The following RABGAP1L variants were observed in gnomAD, a reference collection of about 807,000 sequenced individuals.
RABGAP1L encodes RAB GTPase activating protein 1 like.
A neutral mutation model predicts 137.7 loss-of-function variants in RABGAP1L; 63 were observed. The observed-to-expected ratio is 0.46, with a 90% CI of 0.37 to 0.56. RABGAP1L has a LOEUF of 0.56. Among genes scored for constraint, RABGAP1L ranks in the 20% least tolerant of loss-of-function variants. RABGAP1L has a pLI of 0.00. For synonymous variants in RABGAP1L, 431 were observed against 433.7 expected, an observed-to-expected ratio of 0.99 and a Z score of 0.08; for missense variants, 1,095 against 1,244.0, an observed-to-expected ratio of 0.88 and a Z score of 1.80.
chr1:174,952,245 T>C (rs72717670), intron 19 of RABGAP1L, among the ~76,000 whole-genome samples: 30,683 of 148,712 alleles, frequency 0.21, 3,433 homozygotes, highest in Admixed American at 0.25. Flanking sequence ...CTCACACCTG[T>C]AATCCCAGCA....
At chr1:174,743,842 C>T (rs539969280) in intron 17 of RABGAP1L, among the ~76,000 whole-genome samples, 1 of 152,044 alleles carries the variant, frequency 6.6e-6, no homozygotes, top group East Asian at 1.9e-4. Flanking sequence ...ACTTATCTCT[C>T]ATCCCTACCC....
chr1:174,609,116 A>T (rs1439153694), intron 13 of RABGAP1L, among the ~76,000 whole-genome samples: 2 of 152,192 alleles, frequency 1.3e-5, no homozygotes, highest in Non-Finnish European at 2.9e-5. Context: ...AGTCTTGTAT[A>T]TGTAATTTGT....
chr1:174,268,994 CTCGGCTCACACAAGCT>C (rs943526806), intron 7 of RABGAP1L, among the ~76,000 whole-genome samples: 14 of 152,020 alleles, frequency 9.2e-5, no homozygotes, highest in African/African-American at 2.9e-4. Context: ...GTGGCGCAGT[CTCGGCTCACACAAGCT>C]TCGGCTCACA....
intron 13 of RABGAP1L, among the ~76,000 whole-genome samples, chr1:174,539,066 T>A (rs927315059): frequency 6.6e-6 from 1 of 152,112 alleles, no homozygotes; most frequent in Admixed American, 6.5e-5. Context: ...GTTTCCTCAT[T>A]TATCATTCAG....
chr1:174,275,992 T>A, intron 9 of RABGAP1L, 57 bp downstream of exon 9: 3 of 1,415,476 alleles, frequency 2.1e-6, no homozygotes, highest in South Asian at 1.3e-5. Context: ...TTATGAACAA[T>A]GTTGCTTGTC....
chr1:174,305,188 A>G (rs776456296), intron 11 of RABGAP1L, 61 bp downstream of exon 11: 10 of 1,433,094 alleles, frequency 7.0e-6, no homozygotes, highest in Non-Finnish European at 7.3e-6. Context: ...TACAATCTTC[A>G]GAGGAGGTGT....
intron 17 of RABGAP1L, among the ~76,000 whole-genome samples, chr1:174,722,633 T>C (rs532304576): frequency 2.0e-5 from 3 of 151,958 alleles, no homozygotes; most frequent in South Asian, 4.2e-4. Flanking sequence ...ATATTTTTAG[T>C]AGAGATGGGG....
chr1:174,670,095 A>AT (rs1176916755), intron 14 of RABGAP1L, among the ~76,000 whole-genome samples: 4 of 152,078 alleles, frequency 2.6e-5, no homozygotes, highest in Non-Finnish European at 5.9e-5. Context: ...AACAATATTA[A>AT]TTTTTTCAGT....
intron 13 of RABGAP1L, among the ~76,000 whole-genome samples, chr1:174,411,056 A>G (rs1280454884): frequency 6.6e-6 from 1 of 152,176 alleles, no homozygotes; most frequent in African/African-American, 2.4e-5. Flanking sequence ...ATATTGCTAT[A>G]TAGAAATGCT....
intron 19 of RABGAP1L, chr1:174,897,944 A>T (rs190686337): frequency 1.4e-5 from 2 of 142,990 alleles, no homozygotes; most frequent in East Asian, 2.0e-4. Flanking sequence ...ACATCACTGG[A>T]CTCCAGCCTG....
At chr1:174,574,809 A>C (rs992929954) in intron 13 of RABGAP1L, among the ~76,000 whole-genome samples, 2 of 152,190 alleles carry the variant, frequency 1.3e-5, no homozygotes, top group African/African-American at 4.8e-5. Context: ...AACAGACATG[A>C]AAATAGTGTA....
At chr1:174,951,075 T>A (rs1397506001) in intron 19 of RABGAP1L, among the ~76,000 whole-genome samples, 2 of 152,056 alleles carry the variant, frequency 1.3e-5, no homozygotes, top group Non-Finnish European at 2.9e-5. Flanking sequence ...CCAGTCATCA[T>A]GAAAATCCTC....
At chr1:174,547,289 T>C (rs1289516024) in intron 13 of RABGAP1L, among the ~76,000 whole-genome samples, 1 of 151,992 alleles carries the variant, frequency 6.6e-6, no homozygotes, top group African/African-American at 2.4e-5. Context: ...AATGTGAGCG[T>C]TGATTATTTT....
chr1:174,855,713 G>T (rs1028595025), intron 19 of RABGAP1L, among the ~76,000 whole-genome samples: 7 of 152,160 alleles, frequency 4.6e-5, no homozygotes. Context: ...TTTTTGAAAA[G>T]AAAGTCTCAA....
At chr1:174,810,264 CAA>C (rs1689738437) in intron 18 of RABGAP1L, among the ~76,000 whole-genome samples, 1 of 152,026 alleles carries the variant, frequency 6.6e-6, no homozygotes, top group Non-Finnish European at 1.5e-5. Flanking sequence ...GAAAGACAGA[CAA>C]AGAGGGGAAG....
chr1:174,816,977 C>T (rs1690495793), intron 19 of RABGAP1L, among the ~76,000 whole-genome samples: 1 of 152,170 alleles, frequency 6.6e-6, no homozygotes, highest in African/African-American at 2.4e-5. Flanking sequence ...GATCCACCCA[C>T]CTTGGCTTCC....
intron 18 of RABGAP1L, among the ~76,000 whole-genome samples, chr1:174,804,277 T>TTTTGTTTTTTG (rs1689048441): frequency 2.7e-5 from 4 of 150,512 alleles, no homozygotes; most frequent in African/African-American, 7.3e-5. Context: ...TTGTTTTGTT[T>TTTTGTTTTTTG]TTTGTTTTTT....
At chr1:174,714,510 CATA>C (rs2148568197) in intron 17 of RABGAP1L, among the ~76,000 whole-genome samples, 1 of 152,294 alleles carries the variant, frequency 6.6e-6, no homozygotes, top group Non-Finnish European at 1.5e-5. Context: ...AAGTAACGGA[CATA>C]ATTATTTTTA....
chr1:174,785,050 T>G (rs1381100863), intron 18 of RABGAP1L, among the ~76,000 whole-genome samples: 1 of 152,164 alleles, frequency 6.6e-6, no homozygotes, highest in Non-Finnish European at 1.5e-5. Flanking sequence ...TGAGTGATTT[T>G]ATTTTATTTT....
Sources: allele counts gnomAD v4.1 joint callset (sites outside exome capture counted in the v4.1 genomes callset), GRCh38; gene constraint gnomAD v4.1.1; transcripts MANE v1.5; gene names NCBI Gene and HGNC (gene_info 2026-07-23, HGNC 2026-07-21).